MIB1: variants seen among roughly 807,000 people sequenced by gnomAD.
MIB1 encodes the protein E3 ubiquitin-protein ligase MIB1.
In MIB1, 278 loss-of-function variants were observed where a neutral mutation model predicts 124.5. The ratio of observed to expected loss-of-function variants is 2.23; its 90% CI spans 2.02 to 2.47. MIB1 has a LOEUF of 2.47. Ranked by LOEUF, MIB1 falls within the 30% of genes most tolerant of loss-of-function variation. MIB1 has a pLI of 0.00. For missense variants in MIB1, 957 were observed against 1,254.4 expected, an observed-to-expected ratio of 0.76 and a Z score of 3.58; for synonymous variants, 446 against 429.4, an observed-to-expected ratio of 1.04 and a Z score of -0.48.
upstream of MIB1, among the ~76,000 whole-genome samples, chr18:21,740,513 C>A (rs369652638): frequency 6.6e-6 from 1 of 152,334 alleles, no homozygotes; most frequent in East Asian, 1.9e-4. Flanking sequence ...ATATGGAATC[C>A]CTAATTCACA....
intron 12 of MIB1, among the ~76,000 whole-genome samples, chr18:21,821,792 G>A (rs10164091): frequency 0.3 from 46,066 of 151,554 alleles, 7,835 homozygotes; most frequent in African/African-American, 0.44. Flanking sequence ...TAGTAGAGAC[G>A]GGGTTTCACG....
intron 7 of MIB1, among the ~76,000 whole-genome samples, chr18:21,794,971 C>G (rs750146255): frequency 6.6e-6 from 1 of 151,814 alleles, no homozygotes; most frequent in South Asian, 2.1e-4. Flanking sequence ...GTAGAGACAT[C>G]AAGTGAAGGA....
At chr18:21,797,856 T>C (rs923786026) in intron 7 of MIB1, among the ~76,000 whole-genome samples, 9 of 152,110 alleles carry the variant, frequency 5.9e-5, no homozygotes, top group Admixed American at 4.6e-4. Flanking sequence ...TAGGATAGAC[T>C]TTATCATGAT....
rs367567299 is a variant in MIB1 at position 21,827,279 on chromosome 18, A to G, written c.1829+7633A>G. 3 of 152,072 alleles carry G rather than the reference A, an allele frequency of 2.0e-5. No individual in the cohort carries two copies. The South Asian group carries it at 6.2e-4, about 31-fold the overall frequency. The allele number at this position is 152,072 out of a possible 1,614,324, so 9.4% of individuals were successfully genotyped here. ...TTTTAGAGTGATTGAAAATACTCTT[A>G]GATAAGTTAAACTCGCAAGCACCAG... On this transcript the variant is annotated intron_variant, in intron 12 of 20. Coordinates refer to ENST00000261537, the MANE Select transcript of MIB1 (RefSeq NM_020774.4).
At chr18:21,712,529 G>C (rs1294258939) in intron 1 of MIB1, among the ~76,000 whole-genome samples, 1 of 152,206 alleles carries the variant, frequency 6.6e-6, no homozygotes, top group Non-Finnish European at 1.5e-5. Context: ...CCACATAGCA[G>C]CGAACTGTAG....
At chr18:21,732,238 G>T (rs1018455046) in intron 1 of MIB1, among the ~76,000 whole-genome samples, 1 of 151,770 alleles carries the variant, frequency 6.6e-6, no homozygotes, top group Non-Finnish European at 1.5e-5. Context: ...TGAGGCAGGA[G>T]AATTACTTGA....
chr18:21,761,777 C>A (rs529494037), intron 1 of MIB1, among the ~76,000 whole-genome samples: 3 of 152,104 alleles, frequency 2.0e-5, no homozygotes, highest in Non-Finnish European at 2.9e-5. Flanking sequence ...CTGCCTGCAC[C>A]GGGAGCTCTG....
At chr18:21,823,034 G>A (rs980310400) in intron 12 of MIB1, among the ~76,000 whole-genome samples, 11 of 152,080 alleles carry the variant, frequency 7.2e-5, no homozygotes, top group Non-Finnish European at 1.5e-4. Context: ...AGGAGTTTGA[G>A]ACCAGCCTGG....
At chr18:21,721,090 A>T (rs2040712100) in intron 1 of MIB1, among the ~76,000 whole-genome samples, 1 of 150,616 alleles carries the variant, frequency 6.6e-6, no homozygotes. Context: ...ATATATTAGA[A>T]ATTTCATGTA....
intron 3 of MIB1, among the ~76,000 whole-genome samples, chr18:21,772,101 A>T (rs919127490): frequency 6.6e-6 from 1 of 152,262 alleles, no homozygotes; most frequent in Admixed American, 6.5e-5. Context: ...GTGATTCATT[A>T]GATCTTAAAC....
At chr18:21,802,115 C>T (rs895708018) in intron 9 of MIB1, among the ~76,000 whole-genome samples, 1 of 152,074 alleles carries the variant, frequency 6.6e-6, no homozygotes, top group African/African-American at 2.4e-5. Context: ...AGAATAATTT[C>T]AGAATTACTA....
At chr18:21,788,629 AGAAAAAGAAATAAAAG>A (rs1281038025) in intron 6 of MIB1, among the ~76,000 whole-genome samples, 2 of 152,246 alleles carry the variant, frequency 1.3e-5, no homozygotes, top group African/African-American at 4.8e-5. Context: ...CAACTAGGTA[AGAAAAAGAAATAAAAG>A]GAAGAAGTAA....
At chr18:21,788,260 C>A (rs991240339) in intron 6 of MIB1, among the ~76,000 whole-genome samples, 1 of 152,002 alleles carries the variant, frequency 6.6e-6, no homozygotes, top group Non-Finnish European at 1.5e-5. Flanking sequence ...GAAACTAATT[C>A]CCTGAGGTTC....
intron 10 of MIB1, among the ~76,000 whole-genome samples, chr18:21,811,051 ACTC>A (rs2041767871): frequency 6.6e-6 from 1 of 151,992 alleles, no homozygotes; most frequent in Admixed American, 6.6e-5. Context: ...AACCTAAAAA[ACTC>A]CTTTTGACTT....
At chr18:21,756,032 T>C (rs1017611158) in intron 1 of MIB1, among the ~76,000 whole-genome samples, 3 of 152,194 alleles carry the variant, frequency 2.0e-5, no homozygotes, top group Non-Finnish European at 4.4e-5. Flanking sequence ...TTTTACATCA[T>C]GGTGCCTTAC....
At chr18:21,760,245 ATGAAT>A (rs1490428529) in intron 1 of MIB1, among the ~76,000 whole-genome samples, 2 of 152,228 alleles carry the variant, frequency 1.3e-5, no homozygotes, top group Non-Finnish European at 2.9e-5. Context: ...TTAGATGAAA[ATGAAT>A]TGGGTGGATG....
intron 20 of MIB1, among the ~76,000 whole-genome samples, chr18:21,859,814 G>A (rs1299493293): frequency 1.3e-5 from 2 of 149,068 alleles, no homozygotes; most frequent in East Asian, 4.1e-4. Flanking sequence ...GCTTGAACCC[G>A]GGAGGTGGAG....
intron 11 of MIB1, among the ~76,000 whole-genome samples, chr18:21,816,508 G>A (rs1019118517): frequency 2.0e-5 from 3 of 152,080 alleles, no homozygotes; most frequent in East Asian, 1.9e-4. Context: ...TTCCTTAACC[G>A]AATAGGCTTG....
chr18:21,815,667 GCT>G lies in MIB1; in HGVS notation c.1532_1533del (p.Ala511GlyfsTer9). ...CCATGCAGCTTTTGGAGATGAAGGC[GCT>G]GTTATAGAAGTACTACATCGAGGTA... Reference protein sequence around the residue: ...VHHAAFGDEGAVIEVLHRGSA... With the variant: ...VHHAAFGDEGXVIEVLHRGSA... On this transcript the variant is annotated frameshift_variant, in exon 11 of 21. Coordinates refer to ENST00000261537, the MANE Select transcript of MIB1 (RefSeq NM_020774.4). LOFTEE classifies it high-confidence loss of function. The G allele has an allele frequency of 1.9e-6, 3 of 1,614,124 alleles. No individual in the cohort carries two copies. Among genetic ancestry groups the G allele is most frequent in the Non-Finnish European group, 2.5e-6 (3 of 1,180,014 alleles).
Sources: gnomAD v4.1 joint callset for allele counts (sites outside exome capture counted in the v4.1 genomes callset) on GRCh38, gnomAD v4.1.1 for gene constraint, MANE v1.5 for transcripts, NCBI Gene and HGNC (gene_info 2026-07-23, HGNC 2026-07-21) for gene names.